The following ADAM10 variants were observed in gnomAD, a reference collection of about 807,000 sequenced individuals.
The protein encoded by ADAM10 is disintegrin and metalloproteinase domain-containing protein 10.
Under a neutral mutation model 90.1 loss-of-function variants are expected in ADAM10, and 17 were observed. The ratio of observed to expected loss-of-function variants is 0.19; its 90% CI spans 0.13 to 0.28. The LOEUF (loss-of-function observed/expected upper bound fraction) is 0.28, where lower values mean the gene tolerates loss of function less well. Among genes scored for constraint, ADAM10 ranks in the 10% least tolerant of loss-of-function variants. The pLI is 1.00. For synonymous variants in ADAM10, 310 were observed against 298.6 expected (o/e 1.04, Z -0.40); for missense variants, 610 against 914.3 (o/e 0.67, Z 4.29).
In ADAM10 at chr15:58,632,494, T is replaced by C. The variant is rs78026619; in HGVS notation, c.1176+702A>G. 8.7e-3 allele frequency among the ~76,000 whole-genome samples: 1,318 copies of C among 152,328 alleles called. 9 individuals carry two copies. The highest frequency in any genetic ancestry group is 0.029 in the African/African-American group (1,202 of 41,578). On this transcript the variant is annotated intron_variant, in intron 9 of 15. Transcript: ENST00000260408. ...CTTAACTAAGAATGGCTTTTCCATATTTAACAAATTGTAAAAGCAACAAAG... is the reference window on the plus strand; with the variant it reads ...CTTAACTAAGAATGGCTTTTCCATACTTAACAAATTGTAAAAGCAACAAAG...
intron 2 of ADAM10, among the ~76,000 whole-genome samples, chr15:58,684,619 T>C (rs551465289): frequency 6.6e-6 from 1 of 152,354 alleles, no homozygotes; most frequent in African/African-American, 2.4e-5. Flanking sequence ...GCCTCCCACA[T>C]TCCTACGCAT....
intron 4 of ADAM10, among the ~76,000 whole-genome samples, chr15:58,678,549 T>C (rs1006010173): frequency 2.6e-4 from 40 of 152,088 alleles, no homozygotes; most frequent in African/African-American, 9.7e-4. Context: ...ATACGGACAA[T>C]AGAATTAAAA....
chr15:58,739,761 TTAC>T (rs1488197804), intron 1 of ADAM10, among the ~76,000 whole-genome samples: 1 of 152,186 alleles, frequency 6.6e-6, no homozygotes, highest in East Asian at 1.9e-4. Context: ...CTTTCTAATT[TTAC>T]TACAGCAATA....
rs1894876501 is a variant in ADAM10 at position 58,593,564 on chromosome 15, T to C, written c.*3983A>G. The C allele has an allele frequency of 6.6e-6, 1 of 152,246 alleles. No individual in the cohort carries two copies. Among genetic ancestry groups the C allele is most frequent in the Non-Finnish European group, 1.5e-5 (1 of 68,070 alleles). The allele number at this position is 152,246 out of a possible 1,614,324, so 9.4% of individuals were successfully genotyped here. ...CACCATTCTGTTGTGTTCCCACTGC[T>C]GGTTTAGGATTTGACTTCCCTGGGT... On this transcript the variant is annotated 3_prime_UTR_variant, in exon 16 of 16. Transcript: ENST00000260408.
chr15:58,643,126 C>T (rs1352804941), intron 7 of ADAM10, among the ~76,000 whole-genome samples: 1 of 151,850 alleles, frequency 6.6e-6, no homozygotes, highest in African/African-American at 2.4e-5. Context: ...AAAAGCTATA[C>T]ATATATATTT....
chr15:58,599,726 TAGAA>T lies in ADAM10; in HGVS notation c.2026-6_2026-3del. 6.2e-7 allele frequency: 1 copy of T among 1,605,598 alleles called. No individual in the cohort carries two copies. Among genetic ancestry groups the T allele is most frequent in the Non-Finnish European group, 8.5e-7 (1 of 1,178,532 alleles). On this transcript the variant is annotated splice_region_variant and splice_polypyrimidine_tract_variant and intron_variant, in intron 14 of 15. Coordinates refer to ENST00000260408, the MANE Select transcript of ADAM10 (RefSeq NM_001110.4). Reference sequence around the variant, plus strand: ...AAGTAATACTGCCCACCAATGAGCCTAGAAATAAACAGATTTTTCCACTGAAAAA... The same window carrying T: ...AAGTAATACTGCCCACCAATGAGCCTATAAACAGATTTTTCCACTGAAAAA...
At chr15:58,641,073 G>A in intron 7 of ADAM10, 113 bp from the exon 8 acceptor site, 2 of 1,056,006 alleles carry the variant, frequency 1.9e-6, no homozygotes, top group Non-Finnish European at 2.8e-6. Context: ...ATGGAAATCA[G>A]GCCTGAATTA....
intron 2 of ADAM10, among the ~76,000 whole-genome samples, chr15:58,696,708 A>G (rs1051042399): frequency 6.6e-6 from 1 of 152,038 alleles, no homozygotes; most frequent in Non-Finnish European, 1.5e-5. Flanking sequence ...CAGGTGATCC[A>G]CCCACTTCAG....
intron 2 of ADAM10, among the ~76,000 whole-genome samples, chr15:58,708,950 T>C (rs1304934679): frequency 6.6e-6 from 1 of 152,202 alleles, no homozygotes; most frequent in Admixed American, 6.5e-5. Context: ...GAAGAATAAG[T>C]ATTCAGAAGC....
At chr15:58,673,307 T>C (rs894605609) in intron 4 of ADAM10, among the ~76,000 whole-genome samples, 3 of 151,572 alleles carry the variant, frequency 2.0e-5, no homozygotes, top group Non-Finnish European at 2.9e-5. Context: ...ATGGAGATGG[T>C]AGTTTTTCAC....
At position 58,645,619 on chromosome 15, in the gene ADAM10, T is replaced by C. The variant is rs191299262; in HGVS notation, c.735+436A>G. Among the ~76,000 whole-genome samples the C allele has an allele frequency of 2.1e-3, 316 of 152,302 alleles. 2 individuals carry two copies. The highest frequency in any genetic ancestry group is 3.3e-3 in the Admixed American group (51 of 15,304). On this transcript the variant is annotated intron_variant, in intron 6 of 15. Coordinates refer to ENST00000260408, the MANE Select transcript of ADAM10 (RefSeq NM_001110.4). ...CTGGGTACCTTCCACACGAAGGACA[T>C]TTTGAAGGGCACCCTCAAAATATTT...
intron 2 of ADAM10, chr15:58,691,008 G>C: frequency 8.0e-6 from 4 of 502,442 alleles, no homozygotes; most frequent in Non-Finnish European, 1.6e-5. Context: ...GGGGTGGTTG[G>C]GGTTGATCTC....
At chr15:58,732,690 CA>C (rs1183977789) in intron 1 of ADAM10, 3 of 126,484 alleles carry the variant, frequency 2.4e-5, no homozygotes, top group Non-Finnish European at 4.8e-5. Flanking sequence ...GCATGGGCAA[CA>C]GAGCAAGACT....
At chr15:58,610,792 GT>G in intron 13 of ADAM10, 1 of 633,020 alleles carries the variant, frequency 1.6e-6, no homozygotes, top group Non-Finnish European at 2.8e-6. Flanking sequence ...AGCTGGCAAC[GT>G]TTTGTCTAGT....
intron 15 of ADAM10, 114 bp downstream of exon 15, chr15:58,599,484 T>C: frequency 7.7e-7 from 1 of 1,291,254 alleles, no homozygotes; most frequent in Non-Finnish European, 1.1e-6. Flanking sequence ...AATAATCCCA[T>C]TCTTACGGAG....
chr15:58,602,946 AAAATCTATTTTT>A (rs1449764225), intron 14 of ADAM10, among the ~76,000 whole-genome samples: 1 of 152,228 alleles, frequency 6.6e-6, no homozygotes, highest in Non-Finnish European at 1.5e-5. Flanking sequence ...ATTTTTATTT[AAAATCTATTTTT>A]AAATGCTGGC....
At chr15:58,646,264 A>G in intron 5 of ADAM10, 60 bp from the exon 6 acceptor site, 1 of 1,499,904 alleles carries the variant, frequency 6.7e-7, no homozygotes, top group Non-Finnish European at 9.1e-7. Context: ...ATTTTATCTA[A>G]TTAAGAATAC....
intron 1 of ADAM10, chr15:58,748,922 C>T: frequency 2.5e-6 from 1 of 398,748 alleles, no homozygotes; most frequent in Non-Finnish European, 4.4e-6. Context: ...TCAGGACCGG[C>T]GCGCCGGGTA....
At chr15:58,607,250 G>T (rs1031529810) in intron 14 of ADAM10, among the ~76,000 whole-genome samples, 43 of 152,192 alleles carry the variant, frequency 2.8e-4, no homozygotes, top group African/African-American at 9.4e-4. Context: ...AAACCCAAGA[G>T]ATTCTGATTT....
Sources: gnomAD v4.1 joint callset for allele counts (sites outside exome capture counted in the v4.1 genomes callset) on GRCh38, gnomAD v4.1.1 for gene constraint, MANE v1.5 for transcripts, NCBI Gene and HGNC (gene_info 2026-07-23, HGNC 2026-07-21) for gene names.